The following PPP1R13L variants were observed in gnomAD, a reference collection of about 807,000 sequenced individuals.
PPP1R13L encodes relA-associated inhibitor.
PPP1R13L carries 50 observed loss-of-function variants against 80.9 expected under a neutral mutation model. The ratio of observed to expected loss-of-function variants is 0.62; its 90% CI spans 0.49 to 0.78. The LOEUF is 0.78. PPP1R13L is among the 30% of genes least tolerant of loss of function. The pLI is 0.00. For missense variants in PPP1R13L, 1,200 were observed against 1,205.9 expected, an observed-to-expected ratio of 1.00 and a Z score of 0.07; for synonymous variants, 602 against 534.3, an observed-to-expected ratio of 1.13 and a Z score of -1.75.
intron 3 of PPP1R13L, 43 bp downstream of exon 3, chr19:45,397,962 G>T: frequency 6.3e-7 from 1 of 1,582,216 alleles, no homozygotes; most frequent in Non-Finnish European, 8.6e-7. Context: ...CTGGACTGTG[G>T]CGAGAGGCTG....
chr19:45,398,919 G>T (rs1271351968), intron 1 of PPP1R13L, among the ~76,000 whole-genome samples: 2 of 151,670 alleles, frequency 1.3e-5, no homozygotes, highest in East Asian at 3.9e-4. Context: ...TGTTTACTAG[G>T]GACCAGGACG....
In PPP1R13L at chr19:45,405,006, G is replaced by A. The variant is rs768492726; in HGVS notation, c.-29C>T. On this transcript the variant is annotated 5_prime_UTR_variant, in exon 1 of 13. Coordinates refer to ENST00000360957, the MANE Select transcript of PPP1R13L (RefSeq NM_006663.4). ...CAGGAGGGTGAAACTCACGGATCCG[G>A]GCAGATCCTGGCACCTGGGGGCTTC... is the stretch of plus-strand genomic sequence containing the variant. 1 of 986,006 alleles carries A rather than the reference G, an allele frequency of 1.0e-6. No individual in the cohort carries two copies. Among genetic ancestry groups the A allele is most frequent in the Non-Finnish European group, 1.2e-6 (1 of 830,076 alleles). The allele number at this position is 986,006 out of a possible 1,614,324, so 61.1% of individuals were successfully genotyped here. A position where few individuals can be genotyped will look rare whatever the true frequency, so the allele number is the denominator to read the frequency against.
intron 11 of PPP1R13L, 87 bp from the exon 12 acceptor site, chr19:45,382,813 A>T: frequency 7.7e-7 from 1 of 1,293,904 alleles, no homozygotes; most frequent in Non-Finnish European, 1.1e-6. Flanking sequence ...CAGACCCTGG[A>T]ATTTGGCGCC....
At chr19:45,405,145 G>T, upstream of PPP1R13L, 1 of 643,336 alleles carries the variant, frequency 1.6e-6, no homozygotes, top group Non-Finnish European at 1.9e-6. Flanking sequence ...GGGAGGGGGA[G>T]CCAAGGTCGC....
intron 1 of PPP1R13L, among the ~76,000 whole-genome samples, chr19:45,401,203 A>T (rs1337924400): frequency 1.3e-5 from 2 of 151,604 alleles, no homozygotes; most frequent in Non-Finnish European, 2.9e-5. Flanking sequence ...AAATACAAAA[A>T]AATTAGCTGG....
At position 45,396,298 on chromosome 19, in the gene PPP1R13L, C is replaced by G. The variant is rs369542339; in HGVS notation, c.812-39G>C. The G allele has an allele frequency of 3.7e-5, 59 of 1,613,754 alleles. 1 individual carries two copies. The highest frequency in any genetic ancestry group is 1.6e-4 in the Middle Eastern group (1 of 6,062). On this transcript the variant is annotated intron_variant, in intron 5 of 12. Coordinates refer to ENST00000360957, the MANE Select transcript of PPP1R13L (RefSeq NM_006663.4). The surrounding 1 kb of genome is among the most constrained non-coding windows in gnomAD (Gnocchi z 5.3). ...ATCATTAGGGTCTGTGGGGCTGCCT[C>G]TCCTCCGGGTCCTCCATTCCCCGGG...
chr19:45,402,822 T>C (rs1428834916), intron 1 of PPP1R13L, among the ~76,000 whole-genome samples: 4 of 152,200 alleles, frequency 2.6e-5, no homozygotes, highest in Admixed American at 2.6e-4. Context: ...TTCCCTGGCC[T>C]CCTCTGCACC....
chr19:45,397,297 T>G (rs1973124411), intron 3 of PPP1R13L, among the ~76,000 whole-genome samples: 1 of 152,020 alleles, frequency 6.6e-6, no homozygotes, highest in South Asian at 2.1e-4. Flanking sequence ...AACACCTCTT[T>G]CCTTCTGAGG....
At chr19:45,388,236 G>A (rs776845039) in intron 8 of PPP1R13L, among the ~76,000 whole-genome samples, 1 of 151,866 alleles carries the variant, frequency 6.6e-6, no homozygotes, top group South Asian at 2.1e-4. Context: ...CCCTGTGAGT[G>A]GTGTGATTTT....
chr19:45,392,275 G>A lies in PPP1R13L; in HGVS notation c.1420C>T (p.Leu474=), dbSNP rs762041562. The change falls in exon 8 of 13, where the codon CTG becomes TTG. Residue 474 remains leucine, a synonymous_variant. Transcript: ENST00000360957. The stretch of plus-strand genomic sequence containing the variant: ...CCTTCATCCACATCGCCAGCCTCCA[G>A]CACTGGTGTCAGCAGCCCCTCTATC... ...PEIEGLLTPV[L]EAGDVDEGPV... The A allele has an allele frequency of 2.5e-6, 4 of 1,613,470 alleles. No homozygotes were observed. The highest frequency in any genetic ancestry group is 1.1e-5 in the South Asian group (1 of 91,086).
upstream of PPP1R13L, chr19:45,406,271 C>G: frequency 9.8e-7 from 1 of 1,020,178 alleles, no homozygotes. The surrounding 1 kb of genome is among the most constrained non-coding windows in gnomAD (Gnocchi z 4.2). Context: ...AAAGCACAGC[C>G]CTACTAACTA....
intron 7 of PPP1R13L, 130 bp downstream of exon 7, chr19:45,395,306 G>T: frequency 7.8e-7 from 1 of 1,286,660 alleles, no homozygotes; most frequent in Non-Finnish European, 1.1e-6. Context: ...ACCTGGCCTA[G>T]CTCTCTGCAG....
At chr19:45,380,413 C>T (rs1485745406) in intron 12 of PPP1R13L, among the ~76,000 whole-genome samples, 185 bp from the exon 13 acceptor site, 2 of 152,284 alleles carry the variant, frequency 1.3e-5, no homozygotes, top group South Asian at 2.1e-4. Context: ...ATCAGAGCCT[C>T]CACTGATGAA....
Position 45,398,369 on chromosome 19 carries a change from AAGACCCCGCCCCTCT to A in PPP1R13L, c.-21-45_-21-31del, listed in dbSNP as rs758497935. On this transcript the variant is annotated intron_variant, in intron 1 of 12. Transcript: ENST00000360957. Reference sequence around the variant, plus strand: ...ATGGTGGGGAGGGAGGGAGCTGGCTAAGACCCCGCCCCTCTAGACCCCGCCCTCAGGGAGTCAGAC... The same window carrying A: ...ATGGTGGGGAGGGAGGGAGCTGGCTAAGACCCCGCCCTCAGGGAGTCAGAC... 2.5e-6 allele frequency: 4 copies of A among 1,605,422 alleles called. No individual in the cohort carries two copies. The Admixed American group carries it at 6.7e-5, about 27-fold the overall frequency.
intron 1 of PPP1R13L, among the ~76,000 whole-genome samples, chr19:45,401,331 G>A (rs113683211): frequency 0.018 from 2,658 of 146,862 alleles, 83 homozygotes; most frequent in African/African-American, 0.063. Flanking sequence ...CTCCAGCCTC[G>A]GAGACAGAGC....
rs147817166 is a variant in PPP1R13L at position 45,392,048 on chromosome 19, G to A, written c.1647C>T (p.Arg549=). ...HKKQYQQIIS[R]LFHRHGGPGP... ...CTGGCCCCCCATGACGATGGAAGAG[G>A]CGGCTGATGATCTGCTGGTACTGTT... The change falls in exon 8 of 13, where the codon CGC becomes CGT. Residue 549 remains arginine (R), a synonymous_variant. Coordinates refer to ENST00000360957, the MANE Select transcript of PPP1R13L (RefSeq NM_006663.4). 2 of 1,542,534 alleles carry A rather than the reference G, an allele frequency of 1.3e-6. No homozygotes were observed. The highest frequency in any genetic ancestry group is 1.7e-6 in the Non-Finnish European group (2 of 1,147,426).
intron 1 of PPP1R13L, among the ~76,000 whole-genome samples, chr19:45,400,137 G>T (rs1421510696): frequency 6.6e-6 from 1 of 151,896 alleles, no homozygotes; most frequent in Non-Finnish European, 1.5e-5. Context: ...ACTTATTCTG[G>T]GTCATCTCTA....
intron 7 of PPP1R13L, among the ~76,000 whole-genome samples, chr19:45,393,360 G>A (rs985007014): frequency 6.6e-6 from 1 of 151,960 alleles, no homozygotes. Context: ...GGAGGCTGAG[G>A]TGGGTGGATC....
At position 45,382,185 on chromosome 19, in the gene PPP1R13L, G is replaced by A. The variant is rs553846409; in HGVS notation, c.2448+342C>T. ...GGGGCCCGAGGTTGCAGTGAGCACA[G>A]ATGGCGCCATTGCACTCCAGCCTGG... On this transcript the variant is annotated intron_variant, in intron 12 of 12. Coordinates refer to ENST00000360957, the MANE Select transcript of PPP1R13L (RefSeq NM_006663.4). 2.6e-3 allele frequency among the ~76,000 whole-genome samples: 402 copies of A among 152,188 alleles called. 1 individual carries two copies. The highest frequency in any genetic ancestry group is 9.1e-3 in the African/African-American group (378 of 41,512).
Sources: allele counts gnomAD v4.1 joint callset (sites outside exome capture counted in the v4.1 genomes callset), GRCh38; gene constraint gnomAD v4.1.1; non-coding constraint Gnocchi (gnomAD v3.1); transcripts MANE v1.5; gene names NCBI Gene and HGNC (gene_info 2026-07-23, HGNC 2026-07-21).